The following PPM1H variants were observed in gnomAD, a reference collection of about 807,000 sequenced individuals.
PPM1H encodes the protein protein phosphatase, Mg2+/Mn2+ dependent 1H, also known as protein phosphatase 1H.
In PPM1H, 27 loss-of-function variants were observed where a neutral mutation model predicts 54.9. The ratio of observed to expected loss-of-function variants is 0.49; its 90% CI spans 0.36 to 0.68. The LOEUF (loss-of-function observed/expected upper bound fraction) is 0.68, where lower values mean the gene tolerates loss of function less well. Among genes scored for constraint, PPM1H ranks in the 30% least tolerant of loss-of-function variants. The pLI is 0.00. For synonymous variants in PPM1H, 305 were observed against 270.8 expected, an observed-to-expected ratio of 1.13 and a Z score of -1.24; for missense variants, 596 against 667.8, an observed-to-expected ratio of 0.89 and a Z score of 1.19.
chr12:62,771,625 A>G (rs1427066091), intron 4 of PPM1H, among the ~76,000 whole-genome samples: 1 of 152,210 alleles, frequency 6.6e-6, no homozygotes, highest in Non-Finnish European at 1.5e-5. Context: ...ACTTAAATAT[A>G]TTTACTATCT....
intron 4 of PPM1H, among the ~76,000 whole-genome samples, chr12:62,753,743 G>A (rs1376322420): frequency 6.6e-6 from 1 of 152,166 alleles, no homozygotes; most frequent in East Asian, 1.9e-4. Flanking sequence ...CTGGGAGAAT[G>A]CCAGGTTCTC....
At chr12:62,768,637 AGAGT>A (rs1445572146) in intron 4 of PPM1H, among the ~76,000 whole-genome samples, 3 of 148,262 alleles carry the variant, frequency 2.0e-5, no homozygotes, top group Non-Finnish European at 3.0e-5. Flanking sequence ...ACTGGGCAAC[AGAGT>A]GAGACTCTGT....
At chr12:62,818,020 G>A (rs2076881141) in intron 2 of PPM1H, among the ~76,000 whole-genome samples, 1 of 152,196 alleles carries the variant, frequency 6.6e-6, no homozygotes, top group South Asian at 2.1e-4. Context: ...TGCTCCTAAG[G>A]AAGTAGACTT....
intron 1 of PPM1H, among the ~76,000 whole-genome samples, chr12:62,922,815 C>G (rs573678856): frequency 2.0e-4 from 31 of 152,320 alleles, no homozygotes; most frequent in African/African-American, 7.2e-4. Flanking sequence ...TGTCTTGATT[C>G]ATCATGAGCA....
intron 4 of PPM1H, among the ~76,000 whole-genome samples, chr12:62,743,518 T>A (rs1241544367): frequency 1.3e-5 from 2 of 152,162 alleles, no homozygotes. Context: ...TAAAAACACA[T>A]ATCTTTATTC....
chr12:62,686,199 C>G (rs1178490021), intron 8 of PPM1H, among the ~76,000 whole-genome samples: 1 of 152,206 alleles, frequency 6.6e-6, no homozygotes, highest in African/African-American at 2.4e-5. Context: ...AAGTTTTAAA[C>G]CTACAGTCCC....
chr12:62,782,433 AC>A (rs1397179765), intron 4 of PPM1H, among the ~76,000 whole-genome samples: 1 of 152,166 alleles, frequency 6.6e-6, no homozygotes, highest in Non-Finnish European at 1.5e-5. Context: ...TGTCAAAGGA[AC>A]TCACCTTTGA....
At chr12:62,849,037 A>G (rs986773243) in intron 1 of PPM1H, among the ~76,000 whole-genome samples, 3 of 152,126 alleles carry the variant, frequency 2.0e-5, no homozygotes, top group Admixed American at 6.5e-5. Flanking sequence ...CCTCACATGG[A>G]ATTCCTGTTA....
At chr12:62,836,816 C>T (rs1868517068) in intron 1 of PPM1H, among the ~76,000 whole-genome samples, 1 of 152,082 alleles carries the variant, frequency 6.6e-6, no homozygotes, top group Non-Finnish European at 1.5e-5. Flanking sequence ...ACACATCTGC[C>T]CTGGGAGAGA....
At chr12:62,685,838 A>G (rs968708280) in intron 8 of PPM1H, among the ~76,000 whole-genome samples, 2 of 152,370 alleles carry the variant, frequency 1.3e-5, no homozygotes, top group Admixed American at 6.5e-5. Context: ...TAGTCATTCC[A>G]TAATGTAAAC....
chr12:62,698,597 C>G (rs543818127), intron 6 of PPM1H, among the ~76,000 whole-genome samples: 1 of 151,874 alleles, frequency 6.6e-6, no homozygotes, highest in Non-Finnish European at 1.5e-5. Context: ...AAAAATGGTA[C>G]CCGGAACTGA....
chr12:62,803,049 T>C (rs2076781144), intron 2 of PPM1H, among the ~76,000 whole-genome samples: 1 of 152,188 alleles, frequency 6.6e-6, no homozygotes, highest in Non-Finnish European at 1.5e-5. Flanking sequence ...TCTTTCTTGG[T>C]CTACATCCTG....
At chr12:62,847,772 C>CTTACATAGATAAAGTAAATAG (rs1869030171) in intron 1 of PPM1H, among the ~76,000 whole-genome samples, 1 of 151,880 alleles carries the variant, frequency 6.6e-6, no homozygotes, top group Admixed American at 6.6e-5. Context: ...AGCTGTTAAA[C>CTTACATAGATAAAGTAAATAG]TTACATAGAT....
intron 8 of PPM1H, among the ~76,000 whole-genome samples, chr12:62,681,886 T>G (rs2076020632): frequency 6.6e-6 from 1 of 152,240 alleles, no homozygotes; most frequent in African/African-American, 2.4e-5. Flanking sequence ...AGCTAGGAAC[T>G]AATATTTATT....
intron 1 of PPM1H, among the ~76,000 whole-genome samples, chr12:62,899,518 G>A (rs1364634558): frequency 6.6e-6 from 1 of 152,164 alleles, no homozygotes; most frequent in Admixed American, 6.5e-5. Context: ...CCTCAGAGAC[G>A]CACCCCTCTC....
intron 1 of PPM1H, among the ~76,000 whole-genome samples, chr12:62,887,524 T>C (rs1592655626): frequency 6.6e-6 from 1 of 152,336 alleles, no homozygotes; most frequent in East Asian, 1.9e-4. Context: ...TCACTTGACA[T>C]ATTTATTAAG....
At chr12:62,821,220 GAAAAAAAAGTA>G (rs1255029230) in intron 2 of PPM1H, among the ~76,000 whole-genome samples, 1 of 151,750 alleles carries the variant, frequency 6.6e-6, no homozygotes, top group Non-Finnish European at 1.5e-5. Flanking sequence ...GAAGTTTAGA[GAAAAAAAAGTA>G]AAAAGAAATG....
At chr12:62,742,134 T>C (rs1050054917) in intron 4 of PPM1H, among the ~76,000 whole-genome samples, 1 of 152,148 alleles carries the variant, frequency 6.6e-6, no homozygotes, top group African/African-American at 2.4e-5. Context: ...TTTTTTAATT[T>C]CAAATTCACA....
At chr12:62,685,175 G>A (rs1013225247) in intron 8 of PPM1H, among the ~76,000 whole-genome samples, 1 of 152,080 alleles carries the variant, frequency 6.6e-6, no homozygotes, top group African/African-American at 2.4e-5. Context: ...GCACAATTCT[G>A]TCTGGTCTCG....
Sources: gnomAD v4.1 joint callset for allele counts (sites outside exome capture counted in the v4.1 genomes callset) on GRCh38, gnomAD v4.1.1 for gene constraint, MANE v1.5 for transcripts, NCBI Gene and HGNC (gene_info 2026-07-23, HGNC 2026-07-21) for gene names.